KCNIP4: variants seen among roughly 807,000 people sequenced by gnomAD.
The protein encoded by KCNIP4 is potassium voltage-gated channel interacting protein 4.
A neutral mutation model predicts 34.0 loss-of-function variants in KCNIP4; 12 were observed. The observed-to-expected ratio is 0.35, with a 90% CI of 0.23 to 0.57. The LOEUF (loss-of-function observed/expected upper bound fraction) is 0.57, where lower values mean the gene tolerates loss of function less well. Among genes scored for constraint, KCNIP4 ranks in the 20% least tolerant of loss-of-function variants. The pLI, the probability that KCNIP4 is intolerant of heterozygous loss-of-function variation, is 0.83. For synonymous variants in KCNIP4, 124 were observed against 102.2 expected (o/e 1.21, Z -1.29); for missense variants, 238 against 311.7 (o/e 0.76, Z 1.78).
chr4:21,037,399 T>A (rs1330695247), intron 1 of KCNIP4, among the ~76,000 whole-genome samples: 2 of 152,214 alleles, frequency 1.3e-5, no homozygotes, highest in African/African-American at 4.8e-5. Flanking sequence ...TTATACCACA[T>A]TTTTACTATA....
chr4:21,231,805 T>C (rs1250918772), intron 1 of KCNIP4, among the ~76,000 whole-genome samples: 1 of 152,130 alleles, frequency 6.6e-6, no homozygotes, highest in Non-Finnish European at 1.5e-5. Flanking sequence ...GGCAAGGAAC[T>C]TGAAATTGCA....
intron 1 of KCNIP4, among the ~76,000 whole-genome samples, chr4:21,311,070 T>C (rs1160382860): frequency 6.6e-6 from 1 of 152,198 alleles, no homozygotes; most frequent in Non-Finnish European, 1.5e-5. Context: ...GGCAAATTGC[T>C]GAGATAAGTC....
At chr4:21,640,216 C>T (rs900433143) in intron 1 of KCNIP4, among the ~76,000 whole-genome samples, 1 of 152,190 alleles carries the variant, frequency 6.6e-6, no homozygotes, top group African/African-American at 2.4e-5. Flanking sequence ...ATGGTAACAA[C>T]ACCCATCTTA....
chr4:21,192,745 A>T (rs1381410502), intron 1 of KCNIP4, among the ~76,000 whole-genome samples: 1 of 152,066 alleles, frequency 6.6e-6, no homozygotes, highest in African/African-American at 2.4e-5. Flanking sequence ...AAGAAATAAA[A>T]AAATTCTTTA....
chr4:21,689,369 G>A (rs930080312), intron 1 of KCNIP4, among the ~76,000 whole-genome samples: 6 of 152,056 alleles, frequency 3.9e-5, no homozygotes, highest in African/African-American at 9.7e-5. Flanking sequence ...TTTGTTAAAC[G>A]TGTGCCAGCA....
intron 1 of KCNIP4, among the ~76,000 whole-genome samples, chr4:21,809,631 T>C (rs1038289024): frequency 6.6e-6 from 1 of 152,210 alleles, no homozygotes; most frequent in African/African-American, 2.4e-5. Context: ...TAGTGCATGA[T>C]ACAAGAAACT....
intron 1 of KCNIP4, among the ~76,000 whole-genome samples, chr4:21,828,245 GA>G (rs1722785905): frequency 6.6e-6 from 1 of 151,458 alleles, no homozygotes; most frequent in South Asian, 2.1e-4. Context: ...TGATTAAACG[GA>G]TTAGACACAG....
intron 1 of KCNIP4, among the ~76,000 whole-genome samples, chr4:21,913,756 T>A (rs1016406907): frequency 2.0e-5 from 3 of 151,944 alleles, no homozygotes; most frequent in African/African-American, 7.3e-5. Context: ...TTGAAAAAAA[T>A]ATGGCAGGGT....
intron 1 of KCNIP4, among the ~76,000 whole-genome samples, chr4:21,457,701 G>A (rs569527354): frequency 6.6e-6 from 1 of 152,004 alleles, no homozygotes; most frequent in African/African-American, 2.4e-5. Flanking sequence ...AAGAAGTGAG[G>A]GTATGCAGAG....
intron 1 of KCNIP4, 113 bp downstream of exon 1, chr4:21,948,458 T>C: frequency 2.5e-6 from 3 of 1,185,752 alleles, no homozygotes; most frequent in South Asian, 3.1e-5. Flanking sequence ...CTGTGTCTCA[T>C]GCAGCGAAGG....
intron 1 of KCNIP4, among the ~76,000 whole-genome samples, chr4:21,141,329 T>G (rs1233699463): frequency 1.3e-5 from 2 of 152,186 alleles, no homozygotes; most frequent in African/African-American, 2.4e-5. Flanking sequence ...GAGGTATGTC[T>G]GGACAAACAG....
intron 1 of KCNIP4, among the ~76,000 whole-genome samples, chr4:21,293,325 G>A (rs1264165802): frequency 6.6e-6 from 1 of 152,148 alleles, no homozygotes; most frequent in Non-Finnish European, 1.5e-5. Flanking sequence ...AAATGAAGGA[G>A]GTAGGGTTCA....
chr4:21,560,661 A>C (rs1301932714), intron 1 of KCNIP4, among the ~76,000 whole-genome samples: 1 of 152,114 alleles, frequency 6.6e-6, no homozygotes, highest in Non-Finnish European at 1.5e-5. Flanking sequence ...TATAAAAATG[A>C]TAAAGTACCA....
chr4:20,848,690 G>T (rs538355454), intron 3 of KCNIP4, among the ~76,000 whole-genome samples: 2 of 152,214 alleles, frequency 1.3e-5, no homozygotes, highest in South Asian at 4.1e-4. Flanking sequence ...CTACGGGGAT[G>T]GCATTGGAAT....
intron 1 of KCNIP4, among the ~76,000 whole-genome samples, chr4:21,912,960 C>G (rs1728423167): frequency 6.6e-6 from 1 of 151,872 alleles, no homozygotes; most frequent in South Asian, 2.1e-4. Context: ...AGAGAGTAAA[C>G]TGAAGAAGAC....
intron 1 of KCNIP4, among the ~76,000 whole-genome samples, chr4:21,530,403 C>T (rs1736576140): frequency 6.6e-6 from 1 of 152,076 alleles, no homozygotes; most frequent in Non-Finnish European, 1.5e-5. Context: ...GAGTAGTTGT[C>T]TTTAAAGTTT....
intron 1 of KCNIP4, among the ~76,000 whole-genome samples, chr4:21,772,590 C>A (rs1384048474): frequency 7.2e-5 from 11 of 152,000 alleles, no homozygotes; most frequent in Non-Finnish European, 4.4e-5. Flanking sequence ...TTAATTACCG[C>A]CTCAATTTTA....
chr4:21,572,429 C>T (rs1349050479), intron 1 of KCNIP4, among the ~76,000 whole-genome samples: 1 of 152,008 alleles, frequency 6.6e-6, no homozygotes, highest in Non-Finnish European at 1.5e-5. Context: ...CTTTTAAGCT[C>T]TTATAAAGGA....
At chr4:20,783,432 G>A (rs1475803291) in intron 3 of KCNIP4, among the ~76,000 whole-genome samples, 1 of 152,156 alleles carries the variant, frequency 6.6e-6, no homozygotes, top group East Asian at 1.9e-4. Flanking sequence ...ACATGGCTGG[G>A]GAGGCCTCAG....
Sources: gnomAD v4.1 joint callset for allele counts (sites outside exome capture counted in the v4.1 genomes callset) on GRCh38, gnomAD v4.1.1 for gene constraint, MANE v1.5 for transcripts, NCBI Gene and HGNC (gene_info 2026-07-23, HGNC 2026-07-21) for gene names.